Variants in ZNRF2 observed in about 807,000 individuals in gnomAD.
The protein encoded by ZNRF2 is E3 ubiquitin-protein ligase ZNRF2.
In ZNRF2, 16 loss-of-function variants were observed where a neutral mutation model predicts 20.4. The ratio of observed to expected loss-of-function variants is 0.79; its 90% CI spans 0.53 to 1.19. The LOEUF is 1.19. Ranked by LOEUF, ZNRF2 falls within the 50% of genes most tolerant of loss-of-function variation. ZNRF2 has a pLI of 0.00. For missense variants in ZNRF2, 363 were observed against 332.4 expected (o/e 1.09, Z -0.72); for synonymous variants, 178 against 144.9 (o/e 1.23, Z -1.64).
chr7:30,314,821 G>GT (rs1799343938), intron 1 of ZNRF2, among the ~76,000 whole-genome samples: 2 of 150,452 alleles, frequency 1.3e-5, no homozygotes, highest in South Asian at 4.2e-4. Flanking sequence ...ATGTATGTAT[G>GT]TATTTTTTTT....
At chr7:30,350,322 C>T (rs1369296191) in intron 2 of ZNRF2, among the ~76,000 whole-genome samples, 1 of 151,906 alleles carries the variant, frequency 6.6e-6, no homozygotes, top group Admixed American at 6.6e-5. Flanking sequence ...AATTTTATTT[C>T]CTCCTAAAGA....
intron 1 of ZNRF2, among the ~76,000 whole-genome samples, chr7:30,313,906 C>T (rs1293132169): frequency 4.6e-5 from 7 of 152,180 alleles, no homozygotes; most frequent in Admixed American, 4.6e-4. Context: ...ATTAGGTAAA[C>T]CACTGATCCC....
rs368469487 is a variant in ZNRF2, at chr7:30,299,818, T to C, written c.469+13992T>C. ...TTTGGGAGACAGAGTCTCGCCCTGTTGCCCAGGCTGGAGTGCAGTGGCATG... is the reference window on the plus strand; with the variant it reads ...TTTGGGAGACAGAGTCTCGCCCTGTCGCCCAGGCTGGAGTGCAGTGGCATG... On this transcript the variant is annotated intron_variant, in intron 1 of 4. Coordinates refer to ENST00000323037, the MANE Select transcript of ZNRF2 (RefSeq NM_147128.4). Among the ~76,000 whole-genome samples the C allele has an allele frequency of 2.0e-5, 3 of 150,592 alleles. No individual in the cohort carries two copies. The East Asian group carries it at 5.8e-4, about 29-fold the overall frequency.
At chr7:30,310,853 C>CCCTGTCCTGTCCTGT (rs70980596) in intron 1 of ZNRF2, among the ~76,000 whole-genome samples, 3 of 151,230 alleles carry the variant, frequency 2.0e-5, no homozygotes, top group African/African-American at 2.4e-5. Context: ...ACATCTGAGC[C>CCCTGTCCTGTCCTGT]CCTGTCCTGT....
At chr7:30,363,452 G>A (rs538367145) in intron 4 of ZNRF2, among the ~76,000 whole-genome samples, 1 of 152,248 alleles carries the variant, frequency 6.6e-6, no homozygotes, top group South Asian at 2.1e-4. Flanking sequence ...TTGTTGGTGG[G>A]GATGAAATTT....
chr7:30,297,604 A>G (rs935453481), intron 1 of ZNRF2, among the ~76,000 whole-genome samples: 2 of 152,146 alleles, frequency 1.3e-5, no homozygotes, highest in African/African-American at 4.8e-5. Context: ...GTTGCTGTTG[A>G]GCACATAGAT....
At position 30,332,024 on chromosome 7, in the gene ZNRF2, C is replaced by T. The variant is rs117027777; in HGVS notation, c.565+8287C>T. 2.5e-3 allele frequency among the ~76,000 whole-genome samples: 383 copies of T among 152,254 alleles called. 6 individuals carry two copies. Among genetic ancestry groups the T allele is most frequent in the East Asian group, 0.023 (118 of 5,182 alleles). ...CAGTTTTACTTCCCTTCTGTAAATA[C>T]ACATAGCTGCCCAAAAGTAGCACCA... On this transcript the variant is annotated intron_variant, in intron 2 of 4. Transcript: ENST00000323037.
intron 1 of ZNRF2, among the ~76,000 whole-genome samples, chr7:30,316,541 A>C (rs145629011): frequency 1.2e-4 from 19 of 152,284 alleles, no homozygotes; most frequent in African/African-American, 3.8e-4. Flanking sequence ...AACAAGGTTA[A>C]AACGTTTCCT....
intron 1 of ZNRF2, among the ~76,000 whole-genome samples, chr7:30,297,680 T>C (rs764385942): frequency 6.6e-6 from 1 of 152,172 alleles, no homozygotes; most frequent in Non-Finnish European, 1.5e-5. Flanking sequence ...GGGAACTGTT[T>C]TCATTCATTG....
intron 1 of ZNRF2, among the ~76,000 whole-genome samples, chr7:30,314,992 A>G (rs1453373514): frequency 6.6e-6 from 1 of 151,708 alleles, no homozygotes; most frequent in African/African-American, 2.4e-5. Context: ...AATTTTTTGT[A>G]TTTTTAGTAG....
chr7:30,294,013 CT>C (rs113013621), intron 1 of ZNRF2, among the ~76,000 whole-genome samples: 1,794 of 151,938 alleles, frequency 0.012, 34 homozygotes, highest in African/African-American at 0.04. Flanking sequence ...TTTTTATTGT[CT>C]TTTTTTTCTT....
chr7:30,291,951 T>A (rs115953017), intron 1 of ZNRF2, among the ~76,000 whole-genome samples: 6,116 of 152,222 alleles, frequency 0.04, 382 homozygotes, highest in African/African-American at 0.14. Flanking sequence ...GGTTTTTTTT[T>A]AATTATAAAA....
intron 3 of ZNRF2, among the ~76,000 whole-genome samples, chr7:30,357,315 C>G (rs1343817902): frequency 6.6e-6 from 1 of 152,142 alleles, no homozygotes; most frequent in Non-Finnish European, 1.5e-5. Flanking sequence ...GGATGCTGTA[C>G]ACTGACTACT....
At chr7:30,300,552 C>G (rs910547050) in intron 1 of ZNRF2, among the ~76,000 whole-genome samples, 1 of 152,186 alleles carries the variant, frequency 6.6e-6, no homozygotes, top group African/African-American at 2.4e-5. Flanking sequence ...CCTGTTTTAT[C>G]TATTCTTTAA....
chr7:30,312,401 G>T (rs574453868), intron 1 of ZNRF2, among the ~76,000 whole-genome samples: 2 of 152,286 alleles, frequency 1.3e-5, no homozygotes, highest in East Asian at 3.9e-4. Context: ...ATGTGTGTGT[G>T]GAAAGTGAGA....
At chr7:30,356,916 A>G (rs1800049414) in intron 3 of ZNRF2, among the ~76,000 whole-genome samples, 1 of 152,092 alleles carries the variant, frequency 6.6e-6, no homozygotes, top group Non-Finnish European at 1.5e-5. Flanking sequence ...CGTGTTAGCC[A>G]GGATGGTCTT....
rs764781489 is a variant in ZNRF2 at position 30,323,633 on chromosome 7, G to C, written c.470-9G>C. The C allele has an allele frequency of 3.2e-6, 5 of 1,561,186 alleles. No homozygotes were observed. Among genetic ancestry groups the C allele is most frequent in the South Asian group, 2.4e-5 (2 of 83,982 alleles). ...TAGTTAAGTAACTTGAGTTTCTTTT[G>C]TTTTTTAGGATTTAAGTGCCCTGTA... On this transcript the variant is annotated splice_polypyrimidine_tract_variant and intron_variant, in intron 1 of 4. Transcript: ENST00000323037.
intron 1 of ZNRF2, among the ~76,000 whole-genome samples, chr7:30,317,369 G>C (rs1467948795): frequency 6.6e-6 from 1 of 152,202 alleles, no homozygotes; most frequent in Non-Finnish European, 1.5e-5. Context: ...TCAGTAAAAG[G>C]AATTCAGTAG....
chr7:30,360,494 C>CCT (rs914242156), intron 3 of ZNRF2, among the ~76,000 whole-genome samples: 1 of 151,914 alleles, frequency 6.6e-6, no homozygotes, highest in African/African-American at 2.4e-5. Context: ...TCAAGACCAG[C>CCT]CTGACCAACA....
Sources: gnomAD v4.1 joint callset for allele counts (sites outside exome capture counted in the v4.1 genomes callset) on GRCh38, gnomAD v4.1.1 for gene constraint, MANE v1.5 for transcripts, NCBI Gene and HGNC (gene_info 2026-07-23, HGNC 2026-07-21) for gene names.